Variants in IGSF10 observed in about 807,000 individuals in gnomAD.
IGSF10 encodes calvaria mechanical force protein 608.
Under a neutral mutation model 128.2 loss-of-function variants are expected in IGSF10, and 126 were observed. The ratio of observed to expected loss-of-function variants is 0.98; its 90% CI spans 0.85 to 1.14. The LOEUF (loss-of-function observed/expected upper bound fraction) is 1.14. Among genes scored for constraint, IGSF10 ranks in the 50% most tolerant of loss-of-function variants. The pLI, the probability that IGSF10 is intolerant of heterozygous loss-of-function variation, is 0.00. For missense variants in IGSF10, 3,295 were observed against 3,149.8 expected (o/e 1.05, Z -1.10); for synonymous variants, 1,185 against 1,146.2 (o/e 1.03, Z -0.68).
chr3:151,462,866 A>C (rs1722115448), upstream of IGSF10, among the ~76,000 whole-genome samples: 1 of 152,138 alleles, frequency 6.6e-6, no homozygotes, highest in African/African-American at 2.4e-5. Flanking sequence ...AATTCACGTG[A>C]TGTCCAAACT....
chr3:151,508,851 A>G, the IGSF10 span, among the ~76,000 whole-genome samples: 2 of 152,182 alleles, frequency 1.3e-5, no homozygotes, highest in African/African-American at 4.8e-5. Context: ...ACGTTATTAT[A>G]TATGTTTCAA....
the IGSF10 span, among the ~76,000 whole-genome samples, chr3:151,567,006 T>C: frequency 1.5e-4 from 23 of 152,322 alleles, no homozygotes; most frequent in African/African-American, 5.5e-4. Context: ...CAGGTGGCTG[T>C]CAATCTGTTG....
the IGSF10 span, among the ~76,000 whole-genome samples, chr3:151,506,699 T>C: frequency 6.6e-6 from 1 of 152,244 alleles, no homozygotes; most frequent in East Asian, 1.9e-4. Flanking sequence ...GCTCTGTGCT[T>C]ACGAGATATA....
chr3:151,580,649 C>A, the IGSF10 span, among the ~76,000 whole-genome samples: 1 of 152,104 alleles, frequency 6.6e-6, no homozygotes, highest in African/African-American at 2.4e-5. Context: ...AACTAACTAA[C>A]AAAAGACCTT....
In IGSF10 at chr3:151,436,513, A is replaced by G. The variant is rs1720241533; in HGVS notation, c.*176T>C. The G allele has an allele frequency of 2.0e-6, 1 of 501,950 alleles. No homozygotes were observed. Among genetic ancestry groups the G allele is most frequent in the South Asian group, 4.0e-5 (1 of 25,272 alleles). 31.1% of individuals were successfully genotyped at this position (501,950 alleles called of 1,614,324 possible). ...GTTTGTTTTGAGATCCATTAAATAAATCAGTATCATCAGTTCATAATGCAT... is the reference window on the plus strand; with the variant it reads ...GTTTGTTTTGAGATCCATTAAATAAGTCAGTATCATCAGTTCATAATGCAT... On this transcript the variant is annotated 3_prime_UTR_variant, in exon 8 of 8. Coordinates refer to ENST00000282466, the MANE Select transcript of IGSF10 (RefSeq NM_178822.5).
the IGSF10 span, among the ~76,000 whole-genome samples, chr3:151,496,557 TTTCCTTAATCCA>T: frequency 7.1e-4 from 39 of 54,898 alleles, no homozygotes; most frequent in Middle Eastern, 9.8e-3. Context: ...TATTCCATGG[TTTCCTTAATCCA>T]GTCTATCATT....
chr3:151,544,826 A>C, the IGSF10 span, among the ~76,000 whole-genome samples: 49 of 149,444 alleles, frequency 3.3e-4, no homozygotes, highest in East Asian at 7.8e-3. Flanking sequence ...AAATTGTCTT[A>C]TTTTACTTCT....
chr3:151,582,297 G>T, the IGSF10 span, among the ~76,000 whole-genome samples: 7 of 113,892 alleles, frequency 6.1e-5, no homozygotes, highest in Admixed American at 2.0e-4. Flanking sequence ...ATATCCGGGG[G>T]GGGGGGCGGG....
downstream of IGSF10, chr3:151,434,172 C>T (rs1719835517): frequency 6.6e-6 from 1 of 152,144 alleles, no homozygotes; most frequent in African/African-American, 2.4e-5. Flanking sequence ...ATAATATAGT[C>T]AAGCATACTG....
chr3:151,484,351 C>A, the IGSF10 span, among the ~76,000 whole-genome samples: 1 of 152,150 alleles, frequency 6.6e-6, no homozygotes, highest in Non-Finnish European at 1.5e-5. Context: ...CAGCACATGG[C>A]GGGAGGGGCA....
chr3:151,467,219 C>G, the IGSF10 span, among the ~76,000 whole-genome samples: 326 of 152,266 alleles, frequency 2.1e-3, 1 homozygote, highest in Non-Finnish European at 3.8e-3. Flanking sequence ...ACTGAGTCCA[C>G]TAACCTTTTT....
chr3:151,525,857 A>G, the IGSF10 span, among the ~76,000 whole-genome samples: 1 of 152,170 alleles, frequency 6.6e-6, no homozygotes, highest in East Asian at 1.9e-4. Context: ...ACTTCATTAC[A>G]TCTGCAAAAA....
the IGSF10 span, among the ~76,000 whole-genome samples, chr3:151,614,746 C>G: frequency 6.6e-6 from 1 of 152,000 alleles, no homozygotes; most frequent in Non-Finnish European, 1.5e-5. Flanking sequence ...GGGTGCAGCA[C>G]ACCAACATGG....
Position 151,453,843 on chromosome 3 carries a change from A to G in IGSF10, c.325-69T>C, listed in dbSNP as rs1701063858. ...TTTCACAAGAGGGAAAAGTCCTATC[A>G]ATAACAAAACTTATGTTGAAATTAA... On this transcript the variant is annotated intron_variant, in intron 4 of 7. Transcript: ENST00000282466. 3.2e-6 allele frequency: 3 copies of G among 946,626 alleles called. No individual in the cohort carries two copies. The South Asian group carries it at 5.4e-5, about 17-fold the overall frequency. 58.6% of individuals were successfully genotyped at this position (946,626 alleles called of 1,614,324 possible).
upstream of IGSF10, chr3:151,461,199 G>C: frequency 1.0e-6 from 1 of 985,358 alleles, no homozygotes; most frequent in East Asian, 1.1e-4. Flanking sequence ...ATTCGCCGTG[G>C]CTTCACTCTT....
At position 151,449,245 on chromosome 3, in the gene IGSF10, C is replaced by CT; in HGVS notation, c.735dup (p.Asp246ArgfsTer2). ...TGCTGAGCACTAGAGGGACTTCTAT[C>CT]TTTTTTGCATTTTATTACATCTGGA... On this transcript the variant is annotated frameshift_variant, in exon 6 of 8. Transcript: ENST00000282466. LOFTEE classifies it high-confidence loss of function. 1 of 1,577,404 alleles carries CT rather than the reference C, an allele frequency of 6.3e-7. No individual in the cohort carries two copies. The highest frequency in any genetic ancestry group is 8.6e-7 in the Non-Finnish European group (1 of 1,163,362).
At chr3:151,566,127 C>G in the IGSF10 span, 1 of 152,434 alleles carries the variant, frequency 6.6e-6, no homozygotes, top group African/African-American at 2.4e-5. Context: ...TGAGAACTCC[C>G]TGGCAGAGGG....
the IGSF10 span, among the ~76,000 whole-genome samples, chr3:151,504,081 G>C: frequency 6.6e-6 from 1 of 152,082 alleles, no homozygotes; most frequent in Non-Finnish European, 1.5e-5. Flanking sequence ...CTAATCTTGT[G>C]GCTAATTTGT....
At chr3:151,513,896 T>C in the IGSF10 span, among the ~76,000 whole-genome samples, 2 of 152,090 alleles carry the variant, frequency 1.3e-5, no homozygotes, top group African/African-American at 4.8e-5. Context: ...ATAAAATACC[T>C]AGGAATCCAA....
Sources: gnomAD v4.1 joint callset for allele counts (sites outside exome capture counted in the v4.1 genomes callset) on GRCh38, gnomAD v4.1.1 for gene constraint, MANE v1.5 for transcripts, NCBI Gene and HGNC (gene_info 2026-07-23, HGNC 2026-07-21) for gene names.